Variants in CTSF observed in about 807,000 individuals in gnomAD.
CTSF encodes cathepsin F.
Under a neutral mutation model 63.5 loss-of-function variants are expected in CTSF, and 65 were observed. The ratio of observed to expected loss-of-function variants is 1.02; its 90% confidence interval spans 0.84 to 1.26. The LOEUF is 1.26. CTSF is among the 50% of genes most tolerant of loss of function. The pLI, the probability that CTSF is intolerant of heterozygous loss-of-function variation, is 0.00. For synonymous variants in CTSF, 256 were observed against 258.1 expected (o/e 0.99, Z 0.08); for missense variants, 641 against 631.0 (o/e 1.02, Z -0.17).
Position 66,567,504 on chromosome 11 carries a change from G to T in CTSF, c.471C>A (p.Asp157Glu). 1 of 1,614,228 alleles carries T rather than the reference G, an allele frequency of 6.2e-7. No homozygotes were observed. The highest frequency in any genetic ancestry group is 1.1e-5 in the South Asian group (1 of 91,084). The change falls in exon 3 of 13, where the codon GAC (aspartate) becomes GAA (glutamate). Residue 157 changes from aspartate to glutamate, a missense_variant. Asp to Glu is a conservative substitution (Grantham distance 45). Coordinates refer to ENST00000310325, the MANE Select transcript of CTSF (RefSeq NM_003793.4). ...MISSLSQNHP[D>E]NRNETFSSVI... is the part of the protein sequence containing the mutation. The stretch of plus-strand genomic sequence containing the variant: ...CTGAGCTGAAAGTCTCGTTTCTGTT[G>T]TCTGGATGGTTTTGGGACAGAGAAG...
At position 66,565,918 on chromosome 11, in the gene CTSF, C is replaced by A; in HGVS notation, c.877G>T (p.Gly293Cys). The A allele has an allele frequency of 6.2e-7, 1 of 1,614,098 alleles. No individual in the cohort carries two copies. Among genetic ancestry groups the A allele is most frequent in the Non-Finnish European group, 8.5e-7 (1 of 1,180,028 alleles). Residue 293 changes from glycine (G) to cysteine (C), a missense_variant, in exon 7 of 13, where the codon GGC becomes TGC. By Grantham distance (159) the Gly-to-Cys change is radical. Transcript: ENST00000310325. ...VTKVKDQGMC[G>C]SCWAFSVTGN... ...GTGACTGAGAAGGCCCAGCAGGAGC[C>A]ACACATGCCCTACAAGAGATGGGTG...
chr11:66,564,860 CCT>C (rs999428377), intron 9 of CTSF, 25 bp downstream of exon 9: 1 of 1,613,908 alleles, frequency 6.2e-7, no homozygotes, highest in Admixed American at 1.7e-5. Flanking sequence ...CCCCACCTGA[CCT>C]CACCTCACCC....
intron 4 of CTSF, among the ~76,000 whole-genome samples, chr11:66,566,726 T>TC (rs1373379551): frequency 2.7e-5 from 4 of 150,398 alleles, no homozygotes; most frequent in Non-Finnish European, 4.4e-5. Context: ...ATGCAGAGCT[T>TC]CTTTTTTTTT....
intron 4 of CTSF, 146 bp from the exon 5 acceptor site, chr11:66,566,550 A>G: frequency 1.4e-6 from 1 of 699,656 alleles, no homozygotes; most frequent in Non-Finnish European, 2.4e-6. Context: ...GGTCTGATCA[A>G]CTTTTAGGGC....
chr11:66,568,437 G>A lies in CTSF; in HGVS notation c.50C>T (p.Ala17Val). The change falls in exon 1 of 13, where the codon GCA (alanine) becomes GTA (valine). Residue 17 changes from alanine to valine, a missense_variant. Transcript: ENST00000310325. ...LLSLLGLLPG[A>V]VAAPAQPRAA... is the part of the protein sequence containing the mutation. ...TCGGGGCTGGGCGGGGGCGGCCACT[G>A]CGCCCGGGAGCAGCCCCAGCAGCGA... 7.3e-7 allele frequency: 1 copy of A among 1,376,476 alleles called. No homozygotes were observed. The highest frequency in any genetic ancestry group is 9.3e-7 in the Non-Finnish European group (1 of 1,075,740). The allele number at this position is 1,376,476 out of a possible 1,614,324, so 85.3% of individuals were successfully genotyped here. A position where few individuals can be genotyped will look rare whatever the true frequency, so the allele number is the denominator to read the frequency against.
chr11:66,564,936 C>A lies in CTSF; in HGVS notation c.1116G>T (p.Lys372Asn), dbSNP rs1055863767. The A allele has an allele frequency of 1.9e-6, 3 of 1,604,462 alleles. No individual in the cohort carries two copies. The highest frequency in any genetic ancestry group is 2.7e-5 in the African/African-American group (2 of 74,798). Residue 372 changes from lysine to asparagine, a missense_variant, in exon 9 of 13, where the codon AAG (lysine) becomes AAT (asparagine). By Grantham distance (94) the Lys-to-Asn change is moderately conservative (BLOSUM62 0). Transcript: ENST00000310325. ...CGGAGTCATTGATGTAGACCTTGGC[C>A]TTCTCTGCTGAGAAGTTGCAGGACT... ...HMQSCNFSAE[K>N]AKVYINDSVE...
In CTSF at chr11:66,563,557, C is replaced by T. The variant is rs1320841271; in HGVS notation, c.*376G>A. ...GACACTATCCCTAAATCCAAGGGAA[C>T]CAGAAAATTTATAGTATCAAACAGA... On this transcript the variant is annotated 3_prime_UTR_variant, in exon 13 of 13. Transcript: ENST00000310325. 1 of 444,674 alleles carries T rather than the reference C, an allele frequency of 2.2e-6. No individual in the cohort carries two copies. 27.5% of individuals were successfully genotyped at this position (444,674 alleles called of 1,614,324 possible).
intron 8 of CTSF, among the ~76,000 whole-genome samples, chr11:66,565,223 A>G (rs1857903338): frequency 6.6e-6 from 1 of 152,128 alleles, no homozygotes; most frequent in African/African-American, 2.4e-5. Flanking sequence ...AGTGGCAGAG[A>G]CAGAACTCAA....
chr11:66,565,170 G>T (rs113874056), intron 8 of CTSF, among the ~76,000 whole-genome samples, 164 bp from the exon 9 acceptor site: 10 of 152,182 alleles, frequency 6.6e-5, no homozygotes, highest in Admixed American at 2.0e-4. Flanking sequence ...ACACATCTGA[G>T]GCTGGGAGAG....
Position 66,566,363 on chromosome 11 carries a change from G to C in CTSF, c.649C>G (p.Arg217Gly), listed in dbSNP as rs375562245. Residue 217 changes from arginine (R) to glycine (G), a missense_variant, in exon 5 of 13, where the codon CGA (arginine) becomes GGA (glycine). Physicochemically the swap from Arg to Gly is moderately radical, Grantham distance 125. Transcript: ENST00000310325. ...RLSVFVNNMV[R>G]AQKIQALDRG... is the part of the protein sequence containing the mutation. ...TCCAGGGCCTGGATCTTCTGTGCTC[G>C]CACCATGTTATTGACAAAGACGGAC... is the stretch of plus-strand genomic sequence containing the variant. The C allele has an allele frequency of 6.2e-7, 1 of 1,614,116 alleles. No homozygotes were observed. The highest frequency in any genetic ancestry group is 1.7e-5 in the Admixed American group (1 of 60,022).
In CTSF at chr11:66,568,115, C is replaced by G. The variant is rs370337091; in HGVS notation, c.214-33G>C. 186 of 1,594,392 alleles carry G rather than the reference C, an allele frequency of 1.2e-4. No individual in the cohort carries two copies. The African/African-American group carries it at 1.9e-3, about 16-fold the overall frequency. On this transcript the variant is annotated intron_variant, in intron 1 of 12. Transcript: ENST00000310325. ...GAGGAGTAGGTGAGGCGGGCACAGT[C>G]GGCCCTTGACGGCGCCCAAGGCCCC... is the stretch of plus-strand genomic sequence containing the variant.
Position 66,567,749 on chromosome 11 carries a change from A to T in CTSF, c.313-87T>A, listed in dbSNP as rs902762418. The T allele has an allele frequency of 1.2e-5, 18 of 1,513,544 alleles. No homozygotes were observed. The African/African-American group carries it at 2.5e-4, about 21-fold the overall frequency. 93.8% of individuals were successfully genotyped at this position (1,513,544 alleles called of 1,614,324 possible). ...GCCAAGATGGAGCTGGAGGCTCCTC[A>T]GATGAGAGCCACCCCTAAGGCAATC... On this transcript the variant is annotated intron_variant, in intron 2 of 12. Transcript: ENST00000310325.
In CTSF at chr11:66,564,776, G is replaced by C; in HGVS notation, c.1196C>G (p.Pro399Arg). The C allele has an allele frequency of 6.2e-7, 1 of 1,614,072 alleles. No homozygotes were observed. Among genetic ancestry groups the C allele is most frequent in the African/African-American group, 1.3e-5 (1 of 75,072 alleles). The change falls in exon 10 of 13, where the codon CCA becomes CGA. Residue 399 changes from proline (P) to arginine (R), a missense_variant. Coordinates refer to ENST00000310325, the MANE Select transcript of CTSF (RefSeq NM_003793.4). ...KLAAWLAKRG[P>R]ISVAINAFGM... is the part of the protein sequence containing the mutation. ...AAAGGCATTGATGGCCACGGAGATT[G>C]GGCCTCTCTTGGCCAGCCAGGCTGC... is the stretch of plus-strand genomic sequence containing the variant.
Position 66,564,633 on chromosome 11 carries a change from T to G in CTSF, c.1246A>C (p.Ile416Leu). 1 of 1,608,966 alleles carries G rather than the reference T, an allele frequency of 6.2e-7. No individual in the cohort carries two copies. Among genetic ancestry groups the G allele is most frequent in the Non-Finnish European group, 8.5e-7 (1 of 1,177,728 alleles). ...CAGAGGGGCCGGAGAGGGCGGGAGA[T>G]CCCGTGGCGGTAAAACTGGAGGTGG... ...AFGMQFYRHG[I>L]SRPLRPLCSP... The change falls in exon 11 of 13, where the codon ATC (isoleucine) becomes CTC (leucine). Residue 416 changes from isoleucine to leucine, a missense_variant. Transcript: ENST00000310325.
In CTSF at chr11:66,566,002, C is replaced by G. The variant is rs1857921938; in HGVS notation, c.867+20G>C. The G allele has an allele frequency of 1.2e-6, 2 of 1,614,046 alleles. No individual in the cohort carries two copies. The highest frequency in any genetic ancestry group is 1.1e-5 in the South Asian group (1 of 91,090). ...CCCAGTGCAGTGCCCATGTCCCACC[C>G]TCACTTCCAGGGGTCCAACCTGGTC... On this transcript the variant is annotated intron_variant, in intron 6 of 12. Coordinates refer to ENST00000310325, the MANE Select transcript of CTSF (RefSeq NM_003793.4).
At chr11:66,567,883 G>A (rs573350477) in intron 2 of CTSF, 101 bp downstream of exon 2, 3 of 1,456,618 alleles carry the variant, frequency 2.1e-6, no homozygotes, top group African/African-American at 2.8e-5. Context: ...AGGTGGGGCA[G>A]CAGCTACCTC....
rs1044522 is a variant in CTSF at position 66,568,361 on chromosome 11, G to A, written c.126C>T (p.Pro42=). 0.24 allele frequency: 307,592 copies of A among 1,303,162 alleles called. 36,849 individuals are homozygous for A. The highest frequency in any genetic ancestry group is 0.27 in the Middle Eastern group (949 of 3,452). The allele number at this position is 1,303,162 out of a possible 1,614,324, so 80.7% of individuals were successfully genotyped here. ...WGPPSPELLA[P]TRFALEMFNR... is the part of the protein sequence containing the mutation. ...TGAACATCTCCAGCGCGAAGCGGGT[G>A]GGCGCCAGCAGCTCCGGGGACGGCG... The change falls in exon 1 of 13, where the codon CCC becomes CCT. Residue 42 remains proline, a synonymous_variant. Coordinates refer to ENST00000310325, the MANE Select transcript of CTSF (RefSeq NM_003793.4).
Position 66,567,441 on chromosome 11 carries a change from C to G in CTSF, c.531+3G>C, listed in dbSNP as rs150926626. ...AGGGCTCCTCAAGCTGAGGGCTCCT[C>G]ACCTGGGACAGGGGATCCTCATTCA... is the stretch of plus-strand genomic sequence containing the variant. On this transcript the variant is annotated splice_donor_region_variant and intron_variant, in intron 3 of 12. Transcript: ENST00000310325. 6 of 1,613,896 alleles carry G rather than the reference C, an allele frequency of 3.7e-6. No individual in the cohort carries two copies. The African/African-American group carries it at 8.0e-5, about 22-fold the overall frequency.
In CTSF at chr11:66,564,789, C is replaced by T; in HGVS notation, c.1183G>A (p.Ala395Thr). The T allele has an allele frequency of 6.2e-7, 1 of 1,614,042 alleles. No homozygotes were observed. Among genetic ancestry groups the T allele is most frequent in the South Asian group, 1.1e-5 (1 of 91,076 alleles). The change falls in exon 10 of 13, where the codon GCC (alanine) becomes ACC (threonine). Residue 395 changes from alanine to threonine, a missense_variant. Transcript: ENST00000310325. ...GCCACGGAGATTGGGCCTCTCTTGG[C>T]CAGCCAGGCTGCCAGCTCTGAGATG... The part of the protein sequence containing the change: ...QNEQKLAAWL[A>T]KRGPISVAIN...
Sources: allele counts gnomAD v4.1 joint callset (sites outside exome capture counted in the v4.1 genomes callset), GRCh38; gene constraint gnomAD v4.1.1; transcripts MANE v1.5; gene names NCBI Gene and HGNC (gene_info 2026-07-23, HGNC 2026-07-21).